Variants in ADGRL2 observed in about 807,000 individuals in gnomAD.
The protein encoded by ADGRL2 is calcium-independent alpha-latrotoxin receptor 2.
In ADGRL2, 44 loss-of-function variants were observed where a neutral mutation model predicts 157.4. The observed-to-expected ratio is 0.28, with a 90% CI of 0.22 to 0.36. The LOEUF is 0.36. Ranked by LOEUF, ADGRL2 falls within the 10% of genes least tolerant of loss-of-function variation. The pLI, the probability that ADGRL2 is intolerant of heterozygous loss-of-function variation, is 1.00. For synonymous variants in ADGRL2, 585 were observed against 624.7 expected (o/e 0.94, Z 0.95); for missense variants, 1,510 against 1,768.9 (o/e 0.85, Z 2.63).
chr1:81,761,739 G>A (rs762166466), intron 1 of ADGRL2: 1 of 151,914 alleles, frequency 6.6e-6, no homozygotes, highest in Non-Finnish European at 1.5e-5. Flanking sequence ...TGCTGCTGGT[G>A]TATTACATTT....
chr1:81,528,202 T>G (rs1482942980), intron 2 of ADGRL2, among the ~76,000 whole-genome samples: 2 of 152,212 alleles, frequency 1.3e-5, no homozygotes, highest in Non-Finnish European at 2.9e-5. Flanking sequence ...TTCTATTATT[T>G]ATAAATTAAC....
chr1:81,751,667 T>G (rs1208429760), intron 1 of ADGRL2, among the ~76,000 whole-genome samples: 2 of 152,196 alleles, frequency 1.3e-5, no homozygotes, highest in East Asian at 1.9e-4. Context: ...TTGAAGGGGA[T>G]CTGAGGATTA....
At chr1:81,646,939 TGGA>T (rs2082326224) in intron 3 of ADGRL2, among the ~76,000 whole-genome samples, 1 of 152,188 alleles carries the variant, frequency 6.6e-6, no homozygotes, top group African/African-American at 2.4e-5. Context: ...AACTCTTAAG[TGGA>T]GGCTGTAATT....
chr1:81,440,528 T>A (rs12024752), intron 1 of ADGRL2, among the ~76,000 whole-genome samples: 3,501 of 152,168 alleles, frequency 0.023, 67 homozygotes, highest in Middle Eastern at 0.041. Context: ...ATTTAGACAA[T>A]CCCGCAGATT....
At chr1:81,789,258 C>T (rs1054649191) in intron 2 of ADGRL2, among the ~76,000 whole-genome samples, 1 of 152,034 alleles carries the variant, frequency 6.6e-6, no homozygotes, top group Non-Finnish European at 1.5e-5. Context: ...GGGAAGAGAA[C>T]AAGTAAACCA....
At chr1:81,327,141 G>A (rs1308860670) in intron 1 of ADGRL2, among the ~76,000 whole-genome samples, 5 of 152,028 alleles carry the variant, frequency 3.3e-5, no homozygotes, top group Admixed American at 6.6e-5. Context: ...GAGAGTCTCC[G>A]GTGGCAACAT....
chr1:81,960,452 C>T (rs1654970813), intron 11 of ADGRL2, among the ~76,000 whole-genome samples: 1 of 151,862 alleles, frequency 6.6e-6, no homozygotes, highest in Non-Finnish European at 1.5e-5. Context: ...TGTAAAATTC[C>T]CTTTTATTTA....
chr1:81,832,443 T>A (rs569004467), intron 1 of ADGRL2, among the ~76,000 whole-genome samples: 4 of 152,298 alleles, frequency 2.6e-5, no homozygotes, highest in Admixed American at 2.6e-4. Flanking sequence ...TTGCCCGGCC[T>A]GAACTTTCTA....
intron 2 of ADGRL2, among the ~76,000 whole-genome samples, chr1:81,489,841 C>T (rs1238719421): frequency 6.6e-6 from 1 of 152,076 alleles, no homozygotes; most frequent in East Asian, 1.9e-4. Context: ...AGGCATCAAT[C>T]AAGAAGTCTA....
chr1:81,522,070 T>C (rs892583808), intron 2 of ADGRL2, among the ~76,000 whole-genome samples: 10 of 151,850 alleles, frequency 6.6e-5, no homozygotes, highest in African/African-American at 2.4e-4. Flanking sequence ...GTTCCGGCGA[T>C]TCTCCTTCCT....
intron 1 of ADGRL2, among the ~76,000 whole-genome samples, chr1:81,413,712 AAG>A (rs1459343356): frequency 6.6e-6 from 1 of 152,186 alleles, no homozygotes; most frequent in African/African-American, 2.4e-5. Flanking sequence ...TGTCAAGAAA[AAG>A]AGTTTATTAG....
At chr1:81,341,845 T>C (rs903002202) in intron 1 of ADGRL2, among the ~76,000 whole-genome samples, 3 of 152,208 alleles carry the variant, frequency 2.0e-5, no homozygotes, top group Non-Finnish European at 4.4e-5. Context: ...ACTGCATTTA[T>C]TTTAGATCAA....
chr1:81,344,129 C>T (rs185972420), intron 1 of ADGRL2, among the ~76,000 whole-genome samples: 91 of 152,106 alleles, frequency 6.0e-4, no homozygotes, highest in Admixed American at 1.5e-3. Context: ...AGTGCAGTGG[C>T]GCAATCTCAG....
intron 1 of ADGRL2, among the ~76,000 whole-genome samples, chr1:81,814,859 A>C (rs2090230578): frequency 6.6e-6 from 1 of 151,662 alleles, no homozygotes; most frequent in African/African-American, 2.4e-5. Flanking sequence ...AAATCTTAGA[A>C]TATCAAGTTT....
intron 1 of ADGRL2, among the ~76,000 whole-genome samples, chr1:81,363,603 G>T (rs539631105): frequency 1.3e-5 from 2 of 152,142 alleles, no homozygotes; most frequent in Admixed American, 6.5e-5. Flanking sequence ...CCACTATGCT[G>T]CTAACCATCA....
chr1:81,746,517 T>C (rs891594877), intron 1 of ADGRL2, among the ~76,000 whole-genome samples: 2 of 152,128 alleles, frequency 1.3e-5, no homozygotes, highest in Non-Finnish European at 2.9e-5. Context: ...CTTGAAATCC[T>C]GGGCTCAAGG....
intron 2 of ADGRL2, among the ~76,000 whole-genome samples, chr1:81,851,733 T>TG (rs2093013032): frequency 2.5e-5 from 2 of 78,912 alleles, no homozygotes; most frequent in Non-Finnish European, 2.6e-5. Flanking sequence ...GCCACTTAAA[T>TG]TTGTGTGTGT....
Position 81,542,305 on chromosome 1 carries a change from GT to G in ADGRL2, c.-247-38570del, listed in dbSNP as rs575463944. 6.1e-3 allele frequency among the ~76,000 whole-genome samples: 927 copies of G among 152,270 alleles called. 11 individuals are homozygous for G. The highest frequency in any genetic ancestry group is 0.01 in the Middle Eastern group (3 of 294). On this transcript the variant is annotated intron_variant, in intron 2 of 24. Coordinates refer to the ADGRL2 transcript ENST00000370721. ...AAAGGATGCCAGAGGCCTAACACTC[GT>G]GGCCATTACCATTCCCAGAGTGCCT...
chr1:81,578,846 A>G (rs2080848890), intron 2 of ADGRL2, among the ~76,000 whole-genome samples: 1 of 152,146 alleles, frequency 6.6e-6, no homozygotes, highest in African/African-American at 2.4e-5. Flanking sequence ...TTCCCCCCGA[A>G]GCACAAGCAT....
Sources: gnomAD v4.1 joint callset for allele counts (sites outside exome capture counted in the v4.1 genomes callset) on GRCh38, gnomAD v4.1.1 for gene constraint, MANE v1.5 for transcripts, NCBI Gene and HGNC (gene_info 2026-07-23, HGNC 2026-07-21) for gene names.